Variants in AKAP6 observed in about 807,000 individuals in gnomAD.
AKAP6 encodes the protein A-kinase anchor protein 6.
In AKAP6, 58 loss-of-function variants were observed where a neutral mutation model predicts 188.5. That is an observed-to-expected ratio of 0.31 (90% CI 0.25 to 0.38). The LOEUF is 0.38. AKAP6 is among the 10% of genes least tolerant of loss of function. The pLI is 1.00. For missense variants in AKAP6, 2,710 were observed against 2,740.0 expected (o/e 0.99, Z 0.24); for synonymous variants, 989 against 998.6 (o/e 0.99, Z 0.18).
chr14:32,760,449 A>G (rs7494133), intron 11 of AKAP6, among the ~76,000 whole-genome samples: 24,420 of 152,134 alleles, frequency 0.16, 3,262 homozygotes, highest in African/African-American at 0.37. Flanking sequence ...AGATTGCACA[A>G]GTAGTTATTA....
chr14:32,534,937 C>T (rs1882598149), intron 2 of AKAP6, among the ~76,000 whole-genome samples: 1 of 148,580 alleles, frequency 6.7e-6, no homozygotes, highest in African/African-American at 2.5e-5. Flanking sequence ...TGCATTCCAG[C>T]CTATGTGACA....
intron 2 of AKAP6, among the ~76,000 whole-genome samples, chr14:32,449,930 A>G (rs1251205693): frequency 2.0e-5 from 3 of 152,304 alleles, no homozygotes; most frequent in Non-Finnish European, 4.4e-5. Context: ...GCCAGCTTTT[A>G]ATGGCTGGAA....
At chr14:32,499,440 AT>A (rs1880495250) in intron 2 of AKAP6, among the ~76,000 whole-genome samples, 1 of 151,448 alleles carries the variant, frequency 6.6e-6, no homozygotes. Flanking sequence ...CTGGGCTGTC[AT>A]TTTTTATACA....
Position 32,707,689 on chromosome 14 carries a change from A to G in AKAP6, c.3000+11579A>G, listed in dbSNP as rs72669815. ...GAAACACATATTTTCAACAAGGCTT[A>G]TTCAATAGTTAATTAAACTCTATTA... On this transcript the variant is annotated intron_variant, in intron 9 of 13. Coordinates refer to ENST00000280979, the MANE Select transcript of AKAP6 (RefSeq NM_004274.5). 8.5e-3 allele frequency among the ~76,000 whole-genome samples: 1,298 copies of G among 152,224 alleles called. 13 individuals carry two copies. Among genetic ancestry groups the G allele is most frequent in the Non-Finnish European group, 0.011 (772 of 67,980 alleles).
At chr14:32,694,437 GC>G (rs1890314194) in intron 8 of AKAP6, among the ~76,000 whole-genome samples, 1 of 151,200 alleles carries the variant, frequency 6.6e-6, no homozygotes, top group African/African-American at 2.4e-5. Context: ...AGAATCTCAA[GC>G]CCCACCCTAG....
chr14:32,793,034 A>C (rs2033656783), intron 12 of AKAP6, among the ~76,000 whole-genome samples: 1 of 152,222 alleles, frequency 6.6e-6, no homozygotes, highest in South Asian at 2.1e-4. Context: ...GAAGCACTAA[A>C]TATGGAAAGG....
intron 1 of AKAP6, among the ~76,000 whole-genome samples, chr14:32,330,133 T>C (rs979421440): frequency 1.3e-5 from 2 of 152,052 alleles, no homozygotes; most frequent in Non-Finnish European, 2.9e-5. Flanking sequence ...GGAACAAGTC[T>C]CCTCTCTGCG....
chr14:32,424,899 A>G (rs1296594814), intron 1 of AKAP6, among the ~76,000 whole-genome samples: 2 of 152,168 alleles, frequency 1.3e-5, no homozygotes, highest in South Asian at 2.1e-4. Context: ...TATCCAGTCT[A>G]TCATTGATGG....
chr14:32,666,053 T>G (rs1268087121), intron 7 of AKAP6, among the ~76,000 whole-genome samples: 4 of 152,130 alleles, frequency 2.6e-5, no homozygotes, highest in African/African-American at 9.7e-5. Context: ...ATTAGAATTT[T>G]AAGTAAACAC....
intron 12 of AKAP6, among the ~76,000 whole-genome samples, chr14:32,816,794 A>G (rs1404552232): frequency 6.6e-6 from 1 of 152,000 alleles, no homozygotes; most frequent in African/African-American, 2.4e-5. Flanking sequence ...TGTCACTTTT[A>G]TTTATTTATA....
At chr14:32,778,513 TGATAA>T (rs1488778292) in intron 12 of AKAP6, among the ~76,000 whole-genome samples, 2 of 151,972 alleles carry the variant, frequency 1.3e-5, no homozygotes, top group Admixed American at 6.6e-5. Context: ...ATTAGACATG[TGATAA>T]GATAAAATAT....
At chr14:32,741,819 GTTTTTT>G (rs34015837) in intron 11 of AKAP6, among the ~76,000 whole-genome samples, 20 of 70,706 alleles carry the variant, frequency 2.8e-4, no homozygotes, top group Admixed American at 2.5e-3. Context: ...TAGCCTGTAG[GTTTTTT>G]TTTTTTTTTT....
At chr14:32,719,657 T>C (rs944443522) in intron 9 of AKAP6, among the ~76,000 whole-genome samples, 1 of 152,222 alleles carries the variant, frequency 6.6e-6, no homozygotes, top group Non-Finnish European at 1.5e-5. Context: ...TAAAACTCTA[T>C]GTGATTTGGG....
At chr14:32,733,621 A>G (rs572622090) in intron 10 of AKAP6, 13 of 152,310 alleles carry the variant, frequency 8.5e-5, no homozygotes, top group Non-Finnish European at 1.6e-4. Flanking sequence ...AAAAAACTGC[A>G]GGTTTAAGTC....
chr14:32,553,838 C>T (rs17099258), intron 4 of AKAP6, among the ~76,000 whole-genome samples: 5,266 of 152,260 alleles, frequency 0.035, 302 homozygotes, highest in African/African-American at 0.12. Flanking sequence ...GGCTGATTTA[C>T]CCAGAACCCA....
At chr14:32,670,113 A>T (rs1394382502) in intron 7 of AKAP6, among the ~76,000 whole-genome samples, 6 of 151,748 alleles carry the variant, frequency 4.0e-5, no homozygotes, top group Admixed American at 3.9e-4. Context: ...AAAAAAAAAA[A>T]GCCCCTTATA....
intron 1 of AKAP6, among the ~76,000 whole-genome samples, chr14:32,407,285 T>C (rs568805110): frequency 2.2e-4 from 33 of 152,368 alleles, no homozygotes; most frequent in Admixed American, 9.8e-4. Context: ...TCATGTCAGA[T>C]GTTCAGTTGC....
chr14:32,567,900 G>C (rs1884274127), intron 4 of AKAP6, among the ~76,000 whole-genome samples: 1 of 151,924 alleles, frequency 6.6e-6, no homozygotes, highest in South Asian at 2.1e-4. Context: ...AGGAGACTTT[G>C]AACTGTAGAA....
At chr14:32,398,622 G>A (rs1594576466) in intron 1 of AKAP6, among the ~76,000 whole-genome samples, 1 of 152,104 alleles carries the variant, frequency 6.6e-6, no homozygotes, top group East Asian at 1.9e-4. Context: ...CCAGCAGAAG[G>A]AGAGGGGACA....
Sources: allele counts gnomAD v4.1 joint callset (sites outside exome capture counted in the v4.1 genomes callset), GRCh38; gene constraint gnomAD v4.1.1; transcripts MANE v1.5; gene names NCBI Gene and HGNC (gene_info 2026-07-23, HGNC 2026-07-21).